The following PRIM1 variants were observed in gnomAD, a reference collection of about 807,000 sequenced individuals.
PRIM1 encodes the protein DNA primase small subunit.
In PRIM1, 38 loss-of-function variants were observed where a neutral mutation model predicts 60.2. That is an observed-to-expected ratio of 0.63 (90% CI 0.49 to 0.83). The LOEUF (loss-of-function observed/expected upper bound fraction) is 0.83. PRIM1 is among the 40% of genes least tolerant of loss of function. The probability of loss-of-function intolerance (pLI) is 0.00; values close to 1 mark genes in which losing one functional copy is unlikely to be tolerated. For synonymous variants in PRIM1, 158 were observed against 160.2 expected (o/e 0.99, Z 0.10); for missense variants, 388 against 506.2 (o/e 0.77, Z 2.24).
At chr12:56,739,273 G>A in intron 10 of PRIM1, 21 bp downstream of exon 10, 3 of 1,494,216 alleles carry the variant, frequency 2.0e-6, no homozygotes, top group Non-Finnish European at 2.7e-6. Context: ...AACAAGGAGT[G>A]ATCAATGATC....
At chr12:56,741,235 C>T (rs1467894219) in intron 9 of PRIM1, among the ~76,000 whole-genome samples, 200 bp downstream of exon 9, 1 of 152,050 alleles carries the variant, frequency 6.6e-6, no homozygotes, top group African/African-American at 2.4e-5. Flanking sequence ...AATATGGAAC[C>T]TCAGAAACCC....
intron 2 of PRIM1, among the ~76,000 whole-genome samples, chr12:56,750,019 G>A (rs538558529): frequency 1.3e-5 from 2 of 152,276 alleles, no homozygotes; most frequent in Admixed American, 1.3e-4. Flanking sequence ...TGCTATTTGA[G>A]CAAAGATTTG....
At chr12:56,745,440 C>A (rs569871292) in intron 5 of PRIM1, among the ~76,000 whole-genome samples, 53 of 151,338 alleles carry the variant, frequency 3.5e-4, no homozygotes, top group African/African-American at 1.3e-3. Context: ...CAAAAAAAAC[C>A]AAAAAAACAA....
chr12:56,742,420 T>A (rs2137863610), intron 7 of PRIM1, among the ~76,000 whole-genome samples: 1 of 151,992 alleles, frequency 6.6e-6, no homozygotes, highest in Non-Finnish European at 1.5e-5. Context: ...AACACAAAAA[T>A]TAGCTGGGCG....
chr12:56,751,848 G>A (rs1193730141), intron 1 of PRIM1: 3 of 169,438 alleles, frequency 1.8e-5, no homozygotes, highest in Non-Finnish European at 3.8e-5. Context: ...TTCCGCTCCT[G>A]ATGCAAACCA....
rs754615261 is a variant in PRIM1 at position 56,751,210 on chromosome 12, T to C, written c.104-15A>G. 6.7e-7 allele frequency: 1 copy of C among 1,486,992 alleles called. No individual in the cohort carries two copies. The highest frequency in any genetic ancestry group is 1.3e-5 in the South Asian group (1 of 75,332). The allele number at this position is 1,486,992 out of a possible 1,614,324, so 92.1% of individuals were successfully genotyped here. A position where few individuals can be genotyped will look rare whatever the true frequency, so the allele number is the denominator to read the frequency against. On this transcript the variant is annotated splice_polypyrimidine_tract_variant and intron_variant, in intron 1 of 12. Coordinates refer to ENST00000338193, the MANE Select transcript of PRIM1 (RefSeq NM_000946.3). ...ATTCTTTATCACTGCAAAATAAATG[T>C]ACATTTTAAAGTTAATTTGCTACTT...
At chr12:56,743,972 T>C (rs1953889536) in intron 6 of PRIM1, 93 bp downstream of exon 6, 12 of 828,594 alleles carry the variant, frequency 1.4e-5, no homozygotes, top group South Asian at 1.2e-4. Flanking sequence ...TATAAAATGC[T>C]ACCCAGCAGT....
intron 1 of PRIM1, 79 bp from the exon 2 acceptor site, chr12:56,751,274 G>GT (rs886106837): frequency 0.028 from 26,810 of 958,270 alleles, no homozygotes; most frequent in South Asian, 0.04. Flanking sequence ...CCAATGAGAA[G>GT]TTTTTTTTTT....
chr12:56,740,080 G>A (rs752432631), intron 9 of PRIM1, among the ~76,000 whole-genome samples: 4 of 152,076 alleles, frequency 2.6e-5, no homozygotes, highest in Non-Finnish European at 2.9e-5. Flanking sequence ...AGGCTGCAGT[G>A]AGCCAAGATC....
In PRIM1 at chr12:56,746,190, G is replaced by A. The variant is rs747249849; in HGVS notation, c.443-9C>T. 1.9e-6 allele frequency: 3 copies of A among 1,606,922 alleles called. No individual in the cohort carries two copies. Among genetic ancestry groups the A allele is most frequent in the Non-Finnish European group, 2.5e-6 (3 of 1,177,006 alleles). On this transcript the variant is annotated splice_polypyrimidine_tract_variant and intron_variant, in intron 4 of 12. Transcript: ENST00000338193. ...CTTAAATCCAAAGTCCTCTGAGGAA[G>A]AGAGAAATAATAGGTTTTAAAACAA... is the stretch of plus-strand genomic sequence containing the variant.
Position 56,734,160 on chromosome 12 carries a change from A to C in PRIM1, c.1230T>G (p.Leu410=). The change falls in exon 12 of 13, where the codon CTT becomes CTG. Residue 410 remains leucine (L), a synonymous_variant. Coordinates refer to ENST00000338193, the MANE Select transcript of PRIM1 (RefSeq NM_000946.3). The part of the protein sequence containing the change: ...ENLDKSRKGE[L]LKKSDLQKDF ...ATAGCGTCTTACCACTCTTCTTAAG[A>C]AGTTCTCCTTTTCGGGATTTATCCA... The C allele has an allele frequency of 1.3e-6, 2 of 1,599,978 alleles. No homozygotes were observed. The highest frequency in any genetic ancestry group is 1.7e-6 in the Non-Finnish European group (2 of 1,167,908).
At chr12:56,746,668 ACACACACAAATT>A in intron 4 of PRIM1, 101 bp downstream of exon 4, 1 of 786,730 alleles carries the variant, frequency 1.3e-6, no homozygotes, top group Non-Finnish European at 2.0e-6. Context: ...ACACACACAC[ACACACACAAATT>A]AATGAGATTT....
At chr12:56,741,648 A>T in intron 8 of PRIM1, 72 bp from the exon 9 acceptor site, 1 of 1,578,458 alleles carries the variant, frequency 6.3e-7, no homozygotes, top group Non-Finnish European at 8.6e-7. Flanking sequence ...AAAGTTAAAA[A>T]AACGATCTTC....
chr12:56,744,103 C>T lies in PRIM1; in HGVS notation c.600G>A (p.Lys200=). The change falls in exon 6 of 13, where the codon AAG becomes AAA. Residue 200 remains lysine (K), a synonymous_variant. Coordinates refer to ENST00000338193, the MANE Select transcript of PRIM1 (RefSeq NM_000946.3). ...SLVKGGQDVK[K]KVHLSEKIHP... is the part of the protein sequence containing the mutation. Reference sequence around the variant, plus strand: ...GAATTTTTTCACTTAGGTGAACTTTCTTTTTAACGTCTTGACCACCCTGAA... The same window carrying T: ...GAATTTTTTCACTTAGGTGAACTTTTTTTTTAACGTCTTGACCACCCTGAA... 6.4e-7 allele frequency: 1 copy of T among 1,568,512 alleles called. No homozygotes were observed. Among genetic ancestry groups the T allele is most frequent in the Non-Finnish European group, 8.7e-7 (1 of 1,154,704 alleles).
At position 56,741,711 on chromosome 12, in the gene PRIM1, A is replaced by G. The variant is rs746880210; in HGVS notation, c.840+35T>C. On this transcript the variant is annotated intron_variant, in intron 8 of 12. Coordinates refer to ENST00000338193, the MANE Select transcript of PRIM1 (RefSeq NM_000946.3). ...AATCAATTTAATTAAGAATTGCATT[A>G]TTATATCTGTAATACAGATTTCAGT... 3.8e-6 allele frequency: 6 copies of G among 1,594,250 alleles called. No individual in the cohort carries two copies. The South Asian group carries it at 5.6e-5, about 15-fold the overall frequency.
intron 4 of PRIM1, 155 bp downstream of exon 4, chr12:56,746,626 T>TCTCACA (rs1555229235): frequency 1.6e-6 from 1 of 618,046 alleles, no homozygotes; most frequent in African/African-American, 2.3e-5. Flanking sequence ...GTGAGACTCG[T>TCTCACA]CACACACACA....
At chr12:56,740,944 G>T (rs1953868541) in intron 9 of PRIM1, among the ~76,000 whole-genome samples, 1 of 152,046 alleles carries the variant, frequency 6.6e-6, no homozygotes, top group Non-Finnish European at 1.5e-5. Flanking sequence ...CTCTTGAGTA[G>T]CTGGAACTAC....
intron 12 of PRIM1, among the ~76,000 whole-genome samples, chr12:56,732,645 T>C (rs1346902588): frequency 6.6e-6 from 1 of 152,148 alleles, no homozygotes; most frequent in Non-Finnish European, 1.5e-5. Flanking sequence ...AGCCCATCAC[T>C]TCTGGACACA....
chr12:56,732,560 C>G (rs1363611141), intron 12 of PRIM1, among the ~76,000 whole-genome samples: 1 of 152,094 alleles, frequency 6.6e-6, no homozygotes, highest in Non-Finnish European at 1.5e-5. Context: ...TAAAAGCTTC[C>G]TATTAAGCCC....
Sources: allele counts gnomAD v4.1 joint callset (sites outside exome capture counted in the v4.1 genomes callset), GRCh38; gene constraint gnomAD v4.1.1; transcripts MANE v1.5; gene names NCBI Gene and HGNC (gene_info 2026-07-23, HGNC 2026-07-21).